The following DAB1 variants were observed in gnomAD, a reference collection of about 807,000 sequenced individuals.
DAB1 encodes the protein disabled homolog 1.
DAB1 carries 15 observed loss-of-function variants against 64.6 expected under a neutral mutation model. The observed-to-expected ratio is 0.23, with a 90% confidence interval of 0.16 to 0.36. DAB1 has a LOEUF of 0.36. DAB1 is among the 10% of genes least tolerant of loss of function. DAB1 has a pLI of 1.00. For synonymous variants in DAB1, 235 were observed against 251.9 expected (o/e 0.93, Z 0.64); for missense variants, 596 against 706.7 (o/e 0.84, Z 1.78).
At chr1:57,070,815 A>G in intron 7 of DAB1, 1 of 592,464 alleles carries the variant, frequency 1.7e-6, no homozygotes, top group South Asian at 2.0e-5. Context: ...GCGGATCTCC[A>G]AATCCCAAGA....
chr1:57,054,799 T>A (rs150161304), intron 9 of DAB1, among the ~76,000 whole-genome samples: 5 of 152,094 alleles, frequency 3.3e-5, no homozygotes, highest in African/African-American at 1.2e-4. Flanking sequence ...TTTTTAACAG[T>A]CACAAAAAAG....
intron 11 of DAB1, among the ~76,000 whole-genome samples, chr1:57,017,661 A>G (rs1472889273): frequency 6.6e-6 from 1 of 152,346 alleles, no homozygotes; most frequent in South Asian, 2.1e-4. Flanking sequence ...ACTTCTGCGG[A>G]ATAAAACAAT....
intron 6 of DAB1, among the ~76,000 whole-genome samples, chr1:57,761,956 T>G (rs1649108077): frequency 6.6e-6 from 1 of 152,282 alleles, no homozygotes; most frequent in South Asian, 2.1e-4. Context: ...GAGTGATTTC[T>G]GTACCCACCG....
chr1:58,449,224 CAGATGGA>C (rs545728997), intron 3 of DAB1, among the ~76,000 whole-genome samples: 1 of 152,186 alleles, frequency 6.6e-6, no homozygotes, highest in Non-Finnish European at 1.5e-5. Context: ...AGAAAAGAGA[CAGATGGA>C]ATGCTCTTGA....
intron 5 of DAB1, among the ~76,000 whole-genome samples, chr1:58,016,668 C>A (rs778600926): frequency 6.6e-6 from 1 of 152,096 alleles, no homozygotes; most frequent in African/African-American, 2.4e-5. Context: ...AAGCCCTGAA[C>A]GACCTTAATT....
chr1:57,240,519 A>G (rs1054838907), intron 2 of DAB1, among the ~76,000 whole-genome samples: 3 of 152,174 alleles, frequency 2.0e-5, no homozygotes, highest in Non-Finnish European at 4.4e-5. Flanking sequence ...TTATCCCTAC[A>G]CTACACATGA....
chr1:57,811,022 C>T (rs949672132), intron 6 of DAB1, among the ~76,000 whole-genome samples: 7 of 152,356 alleles, frequency 4.6e-5, no homozygotes, highest in Non-Finnish European at 8.8e-5. Context: ...GCTCCAATCT[C>T]TCTTCCATGG....
At chr1:58,424,213 G>C (rs1644799816) in intron 3 of DAB1, among the ~76,000 whole-genome samples, 2 of 152,230 alleles carry the variant, frequency 1.3e-5, no homozygotes, top group African/African-American at 4.8e-5. Flanking sequence ...CTGGAAGGCA[G>C]TCAGGAAGGA....
At chr1:57,865,938 G>A (rs1654282000) in intron 1 of DAB1, among the ~76,000 whole-genome samples, 1 of 152,152 alleles carries the variant, frequency 6.6e-6, no homozygotes, top group Non-Finnish European at 1.5e-5. Context: ...CAGATTTGGT[G>A]TTTCATGATA....
chr1:57,012,133 C>T lies in DAB1; in HGVS notation c.1445-861G>A, dbSNP rs1479886329. 2.6e-5 allele frequency among the ~76,000 whole-genome samples: 4 copies of T among 152,230 alleles called. No homozygotes were observed. The East Asian group carries it at 7.7e-4, about 29-fold the overall frequency. On this transcript the variant is annotated intron_variant, in intron 12 of 14. Coordinates refer to ENST00000371236, the MANE Select transcript of DAB1 (RefSeq NM_001365792.1). Reference sequence around the variant, plus strand: ...TGAAAATACTGGTTACTGGCTAAGACCCAAGTGAGAGGGTGGCATGACTTC... The same window carrying T: ...TGAAAATACTGGTTACTGGCTAAGATCCAAGTGAGAGGGTGGCATGACTTC...
At chr1:57,440,706 G>A (rs1488816960) in intron 7 of DAB1, among the ~76,000 whole-genome samples, 1 of 152,216 alleles carries the variant, frequency 6.6e-6, no homozygotes, top group Non-Finnish European at 1.5e-5. Context: ...GTGCCTGTTA[G>A]GCATTGCTGT....
chr1:58,228,400 C>G (rs1659602996), intron 4 of DAB1, among the ~76,000 whole-genome samples: 1 of 152,048 alleles, frequency 6.6e-6, no homozygotes, highest in African/African-American at 2.4e-5. Flanking sequence ...TCTTGCTTTT[C>G]TATTATTATT....
chr1:58,164,064 A>T (rs549159159), intron 4 of DAB1, among the ~76,000 whole-genome samples: 6 of 152,286 alleles, frequency 3.9e-5, no homozygotes, highest in Non-Finnish European at 8.8e-5. Flanking sequence ...GCTTAAAAAT[A>T]AAAACATGAG....
chr1:58,180,134 G>GA (rs986560024), intron 4 of DAB1, among the ~76,000 whole-genome samples: 2 of 151,636 alleles, frequency 1.3e-5, no homozygotes, highest in South Asian at 2.1e-4. Flanking sequence ...AGGGATCCTG[G>GA]AAAAAATCCC....
At chr1:57,465,526 A>G (rs1017548850) in intron 7 of DAB1, among the ~76,000 whole-genome samples, 1 of 152,214 alleles carries the variant, frequency 6.6e-6, no homozygotes, top group African/African-American at 2.4e-5. Flanking sequence ...TTCTTGGATG[A>G]CTTTCTGTAG....
At chr1:57,773,341 GTA>G (rs745508053) in intron 6 of DAB1, among the ~76,000 whole-genome samples, 2 of 104,500 alleles carry the variant, frequency 1.9e-5, no homozygotes, top group South Asian at 3.7e-4. Context: ...TTATTGAGTT[GTA>G]TACACACACA....
intron 5 of DAB1, among the ~76,000 whole-genome samples, chr1:58,096,817 T>C (rs1651011834): frequency 6.6e-6 from 1 of 152,370 alleles, no homozygotes; most frequent in South Asian, 2.1e-4. Flanking sequence ...TGGATTCACA[T>C]GTGTTAACTG....
rs182043395 is a variant in DAB1 at position 57,430,682 on chromosome 1, G to A, written n.626-139516C>T. Among the ~76,000 whole-genome samples, 982 of 152,052 alleles carry A rather than the reference G, an allele frequency of 6.5e-3. 4 individuals carry two copies. The highest frequency in any genetic ancestry group is 0.011 in the Non-Finnish European group (731 of 67,996). On this transcript the variant is annotated intron_variant and non_coding_transcript_variant, in intron 7 of 20. Transcript: ENST00000485760. ...TACAATTTTTAATAAAGTACAATAG[G>A]AACACTCCTACCAAGCTTAATAGAG... is the stretch of plus-strand genomic sequence containing the variant.
chr1:57,782,123 G>A (rs1650130740), intron 6 of DAB1, among the ~76,000 whole-genome samples: 1 of 151,598 alleles, frequency 6.6e-6, no homozygotes, highest in Admixed American at 6.6e-5. Flanking sequence ...CCACCTTGAG[G>A]TTATTAATCC....
Sources: gnomAD v4.1 joint callset for allele counts (sites outside exome capture counted in the v4.1 genomes callset) on GRCh38, gnomAD v4.1.1 for gene constraint, MANE v1.5 for transcripts, NCBI Gene and HGNC (gene_info 2026-07-23, HGNC 2026-07-21) for gene names.